Variants in ATP7B observed in about 807,000 individuals in gnomAD.
The protein encoded by ATP7B is ATPase copper transporting beta.
In ATP7B, 113 loss-of-function variants were observed where a neutral mutation model predicts 118.9. The observed-to-expected ratio is 0.95, with a 90% CI of 0.82 to 1.11. The LOEUF is 1.11. Among genes scored for constraint, ATP7B ranks in the 50% most tolerant of loss-of-function variants. The pLI, the probability that ATP7B is intolerant of heterozygous loss-of-function variation, is 0.00. For synonymous variants in ATP7B, 777 were observed against 727.4 expected, an observed-to-expected ratio of 1.07 and a Z score of -1.10; for missense variants, 1,867 against 1,871.4, an observed-to-expected ratio of 1.00 and a Z score of 0.04.
chr13:51,993,495 C>G (rs1241068456), intron 1 of ATP7B, among the ~76,000 whole-genome samples: 1 of 151,898 alleles, frequency 6.6e-6, no homozygotes, highest in Non-Finnish European at 1.5e-5. Context: ...CCCGGAAGGT[C>G]GAGGGTGCTA....
intron 17 of ATP7B, 28 bp downstream of exon 17, chr13:51,939,021 TAC>T (rs1249656431): frequency 3.7e-6 from 6 of 1,614,246 alleles, no homozygotes; most frequent in Non-Finnish European, 5.1e-6. Flanking sequence ...TTATGAGCTT[TAC>T]ACAGTTTGCA....
In ATP7B at chr13:51,937,520, C is replaced by A; in HGVS notation, c.3859G>T (p.Gly1287Cys). 1 of 1,614,174 alleles carries A rather than the reference C, an allele frequency of 6.2e-7. No individual in the cohort carries two copies. The change falls in exon 18 of 21, where the codon GGC (glycine) becomes TGC (cysteine). Residue 1287 changes from glycine (G) to cysteine (C), a missense_variant. Gly to Cys is a radical substitution (Grantham distance 159). Transcript: ENST00000242839. ...GCTGCCTCGATGGCCACATCCGTGC[C>A]GGTGCCAATGGCCACACCCATGTCT... ...QADMGVAIGT[G>C]TDVAIEAADV...
At chr13:51,964,062 A>G (rs939911467) in intron 5 of ATP7B, among the ~76,000 whole-genome samples, 3 of 151,936 alleles carry the variant, frequency 2.0e-5, no homozygotes, top group Non-Finnish European at 4.4e-5. Flanking sequence ...AAAAGAAAGA[A>G]AAAAAAAGCT....
At chr13:51,991,962 C>A (rs777043475) in intron 1 of ATP7B, among the ~76,000 whole-genome samples, 2 of 152,062 alleles carry the variant, frequency 1.3e-5, no homozygotes, top group Non-Finnish European at 2.9e-5. Context: ...GAGGAGCGGG[C>A]GGAAATGTGC....
intron 13 of ATP7B, among the ~76,000 whole-genome samples, chr13:51,945,569 C>G (rs1957594069): frequency 6.6e-6 from 1 of 152,164 alleles, no homozygotes; most frequent in African/African-American, 2.4e-5. Flanking sequence ...AGTCGAGCAC[C>G]CCAAGTCTAG....
chr13:52,000,552 A>C (rs1417813178), intron 1 of ATP7B, among the ~76,000 whole-genome samples: 1 of 152,198 alleles, frequency 6.6e-6, no homozygotes, highest in Non-Finnish European at 1.5e-5. Context: ...TTACAGACCC[A>C]AATGCCTCAT....
chr13:51,990,068 A>G (rs1400298497), intron 1 of ATP7B, among the ~76,000 whole-genome samples: 1 of 151,978 alleles, frequency 6.6e-6, no homozygotes, highest in East Asian at 1.9e-4. Flanking sequence ...AAGAAATATT[A>G]AGTATCTAAT....
rs121907992 is a variant in ATP7B, at chr13:51,937,583, C to T, written c.3796G>A (p.Gly1266Arg). ...GCCGGGGAGTCATTGACCCCATCCCCCACCATGGCGACTTTCTTCCCTTTA... is the reference window on the plus strand; with the variant it reads ...GCCGGGGAGTCATTGACCCCATCCCTCACCATGGCGACTTTCTTCCCTTTA... ...QNKGKKVAMV[G>R]DGVNDSPALA... Residue 1266 changes from glycine to arginine, a missense_variant, in exon 18 of 21, where the codon GGG (glycine) becomes AGG (arginine). Gly to Arg is a moderately radical substitution (Grantham distance 125). Coordinates refer to ENST00000242839, the MANE Select transcript of ATP7B (RefSeq NM_000053.4). The T allele has an allele frequency of 5.6e-5, 91 of 1,614,160 alleles. No individual in the cohort carries two copies. Among genetic ancestry groups the T allele is most frequent in the Non-Finnish European group, 7.3e-5 (86 of 1,180,066 alleles).
At chr13:51,983,533 G>C (rs1022624047) in intron 1 of ATP7B, among the ~76,000 whole-genome samples, 1 of 152,156 alleles carries the variant, frequency 6.6e-6, no homozygotes, top group African/African-American at 2.4e-5. Flanking sequence ...AGAGAGCAGT[G>C]GATCTCCTAG....
intron 1 of ATP7B, among the ~76,000 whole-genome samples, chr13:51,977,836 G>A (rs1001855633): frequency 2.0e-5 from 3 of 152,134 alleles, no homozygotes; most frequent in African/African-American, 7.2e-5. Flanking sequence ...CAGTTTCATT[G>A]TAATATCATG....
chr13:51,935,760 G>A, intron 19 of ATP7B, 65 bp from the exon 20 acceptor site: 2 of 1,447,728 alleles, frequency 1.4e-6, no homozygotes, highest in Non-Finnish European at 1.9e-6. Flanking sequence ...AGGGCTTCAG[G>A]CACCGGGCTG....
chr13:52,008,636 G>A (rs7993492), intron 1 of ATP7B, among the ~76,000 whole-genome samples: 72,536 of 151,934 alleles, frequency 0.48, 18,771 homozygotes, highest in Non-Finnish European at 0.58. Context: ...GGTTTAAGAA[G>A]CTCTATGTCA....
At position 51,940,000 on chromosome 13, in the gene ATP7B, C is replaced by CT. The variant is rs10555680; in HGVS notation, c.3557-808dup. On this transcript the variant is annotated intron_variant, in intron 16 of 20. Coordinates refer to ENST00000242839, the MANE Select transcript of ATP7B (RefSeq NM_000053.4). Reference sequence around the variant, plus strand: ...ATCTGAGCACTAAAACACATGCAGTCTTTTTTTTTTTTTTTTTTTTTTTTT... The same window carrying CT: ...ATCTGAGCACTAAAACACATGCAGTCTTTTTTTTTTTTTTTTTTTTTTTTTT... 1.6e-3 allele frequency among the ~76,000 whole-genome samples: 84 copies of CT among 52,336 alleles called. 6 individuals are homozygous for CT. Among genetic ancestry groups the CT allele is most frequent in the Non-Finnish European group, 2.1e-3 (67 of 31,166 alleles). The allele number at this position is 52,336 out of a possible 152,430, so 34.3% of individuals were successfully genotyped here.
intron 9 of ATP7B, among the ~76,000 whole-genome samples, chr13:51,952,778 T>C (rs760414578): frequency 1.3e-5 from 2 of 152,214 alleles, no homozygotes; most frequent in Non-Finnish European, 2.9e-5. Context: ...TGTGGCTACT[T>C]CCTGTGATTA....
chr13:51,942,601 G>A (rs774368997), intron 14 of ATP7B, 47 bp from the exon 15 acceptor site: 1 of 1,610,830 alleles, frequency 6.2e-7, no homozygotes, highest in Non-Finnish European at 8.5e-7. Context: ...GCCAAGAGGG[G>A]TGAAGTGAAA....
At chr13:51,937,228 G>A in intron 19 of ATP7B, 48 bp downstream of exon 19, 1 of 1,574,174 alleles carries the variant, frequency 6.4e-7, no homozygotes, top group South Asian at 1.1e-5. Context: ...CTGGGAGACA[G>A]AAGCCTTTCT....
chr13:51,948,320 A>G (rs977192483), intron 12 of ATP7B, among the ~76,000 whole-genome samples: 1 of 152,150 alleles, frequency 6.6e-6, no homozygotes, highest in Non-Finnish European at 1.5e-5. Flanking sequence ...GCACGATCAT[A>G]GCACACTACA....
chr13:51,989,082 A>G (rs1349673551), intron 1 of ATP7B, among the ~76,000 whole-genome samples: 1 of 152,194 alleles, frequency 6.6e-6, no homozygotes, highest in East Asian at 1.9e-4. Flanking sequence ...AACATCATAC[A>G]TGTTTGAAAA....
At chr13:51,984,430 T>C (rs1460920406) in intron 1 of ATP7B, among the ~76,000 whole-genome samples, 2 of 152,068 alleles carry the variant, frequency 1.3e-5, no homozygotes, top group Admixed American at 6.6e-5. Flanking sequence ...AGACCAAACA[T>C]AAGTTTGACT....
Sources: allele counts gnomAD v4.1 joint callset (sites outside exome capture counted in the v4.1 genomes callset), GRCh38; gene constraint gnomAD v4.1.1; transcripts MANE v1.5; gene names NCBI Gene and HGNC (gene_info 2026-07-23, HGNC 2026-07-21).